Variants in EDA observed in about 807,000 individuals in gnomAD.
EDA encodes the protein ectodysplasin A.
In EDA, 2 loss-of-function variants were observed where a neutral mutation model predicts 23.6. The observed-to-expected ratio is 0.08, with a 90% confidence interval of 0.03 to 0.27. The LOEUF (loss-of-function observed/expected upper bound fraction) is 0.27. Among genes scored for constraint, EDA ranks in the 10% least tolerant of loss-of-function variants. The pLI is 1.00. For missense variants in EDA, 229 were observed against 324.2 expected (o/e 0.71, Z 2.26); for synonymous variants, 131 against 132.0 (o/e 0.99, Z 0.05).
chrX:69,949,011 T>C lies in EDA; in HGVS notation c.397-8016T>C, dbSNP rs1401255853. Among the ~76,000 whole-genome samples the C allele has an allele frequency of 3.6e-5, 4 of 112,358 alleles. No individual in the cohort carries two copies. In the East Asian group the frequency reaches 1.1e-3, roughly 31 times the overall value. On this transcript the variant is annotated intron_variant, in intron 1 of 7. Transcript: ENST00000374552. ...TGCTATAGTGAAATCAGAGATTTTC[T>C]TGAATGTTTCAGGGCATAAATGGTT...
chrX:69,716,019 G>T (rs1376539218), intron 1 of EDA, among the ~76,000 whole-genome samples: 5 of 111,477 alleles, frequency 4.5e-5, no homozygotes, highest in Non-Finnish European at 9.4e-5. Flanking sequence ...CTATTCTATG[G>T]GTTATTTGTT....
At chrX:69,702,579 G>T (rs570585015) in intron 1 of EDA, among the ~76,000 whole-genome samples, 1 of 110,031 alleles carries the variant, frequency 9.1e-6, no homozygotes. Flanking sequence ...GAGGAGGCTT[G>T]GGGGACTAAA....
chrX:69,921,102 G>A (rs1484785308), intron 1 of EDA, among the ~76,000 whole-genome samples: 6 of 110,839 alleles, frequency 5.4e-5, no homozygotes, highest in Non-Finnish European at 1.1e-4. Context: ...TGGCTCCTGT[G>A]TCCCTTTGAT....
chrX:69,675,671 A>G (rs1359370675), intron 1 of EDA, among the ~76,000 whole-genome samples: 2 of 111,181 alleles, frequency 1.8e-5, no homozygotes, highest in African/African-American at 6.6e-5. Flanking sequence ...TATGGAACCA[A>G]AGATATAGCA....
At chrX:69,940,155 A>G (rs958217018) in intron 1 of EDA, among the ~76,000 whole-genome samples, 4 of 111,673 alleles carry the variant, frequency 3.6e-5, no homozygotes, top group African/African-American at 1.3e-4. Flanking sequence ...TACTTTGAGT[A>G]GGATTGATAT....
chrX:69,686,749 T>A (rs755267237), intron 1 of EDA, among the ~76,000 whole-genome samples: 3 of 111,967 alleles, frequency 2.7e-5, no homozygotes, highest in African/African-American at 9.7e-5. Context: ...TTCATCCATA[T>A]GAATCCTGTA....
chrX:69,927,444 G>C lies in EDA; in HGVS notation c.397-29583G>C, dbSNP rs1003283911. ...TTGGCTGGATATGAAATTCTGGGTT[G>C]AAAATTCTTTTCTAAGAATGTTGAA... On this transcript the variant is annotated intron_variant, in intron 1 of 7. Transcript: ENST00000374552. Among the ~76,000 whole-genome samples the C allele has an allele frequency of 1.3e-4, 14 of 111,741 alleles. 1 individual carries two copies. The highest frequency in any genetic ancestry group is 1.1e-3 in the Admixed American group (12 of 10,493).
chrX:69,790,861 A>C (rs2015385595), intron 1 of EDA, among the ~76,000 whole-genome samples: 1 of 107,095 alleles, frequency 9.3e-6, no homozygotes, highest in African/African-American at 3.4e-5. Context: ...TTTTTTGGTC[A>C]CTTAACAAAT....
intron 1 of EDA, among the ~76,000 whole-genome samples, chrX:69,736,947 A>G (rs989071329): frequency 9.3e-6 from 1 of 107,658 alleles, no homozygotes; most frequent in African/African-American, 3.4e-5. Flanking sequence ...AATTTTTTGT[A>G]TTTTTAGTAG....
chrX:69,932,367 G>A (rs1443174717), intron 1 of EDA, among the ~76,000 whole-genome samples: 1 of 111,835 alleles, frequency 8.9e-6, no homozygotes, highest in Admixed American at 9.5e-5. Flanking sequence ...CCGTAAAAAT[G>A]ATCTCTGTGG....
chrX:69,983,179 A>G (rs1364976226), intron 2 of EDA, among the ~76,000 whole-genome samples: 1 of 52,450 alleles, frequency 1.9e-5, no homozygotes, highest in Non-Finnish European at 3.2e-5. Flanking sequence ...TTTCCTGAAT[A>G]CAGCACACTG....
chrX:69,633,504 C>G (rs1932681570), intron 1 of EDA, among the ~76,000 whole-genome samples: 1 of 111,935 alleles, frequency 8.9e-6, no homozygotes, highest in African/African-American at 3.2e-5. Context: ...CATTAGCAGT[C>G]ATTCCCCAAT....
In EDA at chrX:70,039,193, C is replaced by A. The variant is rs2020300884; in HGVS notation, c.*3584C>A. The A allele has an allele frequency of 1.8e-5, 2 of 112,011 alleles. No individual in the cohort carries two copies. Among genetic ancestry groups the A allele is most frequent in the Non-Finnish European group, 3.8e-5 (2 of 53,177 alleles). 9.2% of individuals were successfully genotyped at this position (112,011 alleles called of 1,213,427 possible). A position where few individuals can be genotyped will look rare whatever the true frequency, so the allele number is the denominator to read the frequency against. ...GAGGCTCCTCTAGGCCCTGTGAGCACAAAGAAGAAAGCTGATTTTTGTCTT... is the reference window on the plus strand; with the variant it reads ...GAGGCTCCTCTAGGCCCTGTGAGCAAAAAGAAGAAAGCTGATTTTTGTCTT... On this transcript the variant is annotated 3_prime_UTR_variant, in exon 8 of 8. Coordinates refer to ENST00000374552, the MANE Select transcript of EDA (RefSeq NM_001399.5).
Position 69,957,491 on chromosome X carries a change from A to C in EDA, c.502+359A>C, listed in dbSNP as rs201105987. 652 of 138,902 alleles carry C rather than the reference A, an allele frequency of 4.7e-3. 4 individuals carry two copies. The highest frequency in any genetic ancestry group is 0.021 in the African/African-American group (509 of 23,871). 11.4% of individuals were successfully genotyped at this position (138,902 alleles called of 1,213,427 possible). ...GAGACTCCATCTCAAAAAAAAAAAA[A>C]CAAAAAAAAAAAACCACTACCTTTT... On this transcript the variant is annotated intron_variant, in intron 2 of 7. Transcript: ENST00000374552.
chrX:69,845,677 A>G (rs1015548539), intron 1 of EDA, among the ~76,000 whole-genome samples: 1 of 111,921 alleles, frequency 8.9e-6, no homozygotes, highest in Non-Finnish European at 1.9e-5. Context: ...TGAATAGGGC[A>G]TTGTGGACAT....
At chrX:69,746,282 T>C (rs1490543625) in intron 1 of EDA, among the ~76,000 whole-genome samples, 3 of 111,710 alleles carry the variant, frequency 2.7e-5, no homozygotes, top group Non-Finnish European at 5.6e-5. Context: ...AGTAGGCCTT[T>C]TAAGGAAGCT....
At chrX:69,956,002 T>G (rs758645162) in intron 1 of EDA, among the ~76,000 whole-genome samples, 11 of 112,231 alleles carry the variant, frequency 9.8e-5, no homozygotes, top group Non-Finnish European at 1.7e-4. Flanking sequence ...TGAAACATAT[T>G]GTATTATTAT....
chrX:70,032,820 G>A (rs925657912), intron 6 of EDA, among the ~76,000 whole-genome samples: 7 of 112,038 alleles, frequency 6.2e-5, no homozygotes, highest in Middle Eastern at 4.6e-3. Flanking sequence ...CATGGAGTCT[G>A]AATCATCTCT....
At chrX:69,655,648 T>G (rs1933284399) in intron 1 of EDA, among the ~76,000 whole-genome samples, 1 of 104,515 alleles carries the variant, frequency 9.6e-6, no homozygotes. Flanking sequence ...TGGATAAATC[T>G]GAAGGATTTG....
Sources: allele counts gnomAD v4.1 joint callset (sites outside exome capture counted in the v4.1 genomes callset), GRCh38; gene constraint gnomAD v4.1.1; transcripts MANE v1.5; gene names NCBI Gene and HGNC (gene_info 2026-07-23, HGNC 2026-07-21).